Variants in RTF2 observed in about 807,000 individuals in gnomAD.
The protein encoded by RTF2 is UPF0549 protein C20orf43.
In RTF2, 18 loss-of-function variants were observed where a neutral mutation model predicts 38.0. The ratio of observed to expected loss-of-function variants is 0.47; its 90% CI spans 0.33 to 0.70. The LOEUF is 0.70. Among genes scored for constraint, RTF2 ranks in the 30% least tolerant of loss-of-function variants. The pLI is 0.02. For missense variants in RTF2, 311 were observed against 379.6 expected (o/e 0.82, Z 1.50); for synonymous variants, 126 against 137.1 (o/e 0.92, Z 0.57).
chr20:56,513,717 A>G (rs1460932240), intron 6 of RTF2: 3 of 315,552 alleles, frequency 9.5e-6, no homozygotes, highest in South Asian at 3.8e-5. Flanking sequence ...GACCATGGCC[A>G]TAAAGCACTG....
At chr20:56,487,446 G>A (rs1313449919) in intron 5 of RTF2, among the ~76,000 whole-genome samples, 1 of 152,204 alleles carries the variant, frequency 6.6e-6, no homozygotes, top group African/African-American at 2.4e-5. Flanking sequence ...GCGAGCGTAG[G>A]CTCCTCCCGG....
chr20:56,479,886 T>C (rs1373681911), intron 4 of RTF2, among the ~76,000 whole-genome samples: 3 of 151,478 alleles, frequency 2.0e-5, no homozygotes, highest in Non-Finnish European at 2.9e-5. Context: ...AGCCATGTTA[T>C]AGACAGATGT....
Position 56,468,643 on chromosome 20 carries a change from A to T in RTF2, c.-55A>T, listed in dbSNP as rs186613168. The T allele has an allele frequency of 7.7e-4, 1,153 of 1,502,866 alleles. 11 individuals carry two copies. In the Admixed American group the frequency reaches 0.017, roughly 22 times the overall value. The allele number at this position is 1,502,866 out of a possible 1,614,324, so 93.1% of individuals were successfully genotyped here. ...GAAGTGGCTGCGGATTTCGCCGGAA[A>T]TCCCGGAAGTGACAGCTTTGGGGGT... On this transcript the variant is annotated 5_prime_UTR_variant, in exon 1 of 9. Transcript: ENST00000357348.
chr20:56,508,474 T>A (rs1009769604), intron 5 of RTF2, among the ~76,000 whole-genome samples: 2 of 152,216 alleles, frequency 1.3e-5, no homozygotes, highest in South Asian at 2.1e-4. Context: ...TCAAAGGCAG[T>A]GTCTTATGGA....
intron 1 of RTF2, chr20:56,470,472 G>A (rs771491785): frequency 6.3e-4 from 263 of 414,780 alleles, no homozygotes; most frequent in Non-Finnish European, 1.0e-3. Flanking sequence ...AGTGAACAAG[G>A]CAGAGTCTAG....
chr20:56,484,225 G>T, intron 5 of RTF2, 36 bp downstream of exon 5: 21 of 1,511,206 alleles, frequency 1.4e-5, no homozygotes, highest in Non-Finnish European at 1.8e-5. Flanking sequence ...TTCCTTCTCT[G>T]TAGCTGAGGA....
intron 5 of RTF2, among the ~76,000 whole-genome samples, chr20:56,502,345 C>T (rs764142141): frequency 6.6e-6 from 1 of 152,194 alleles, no homozygotes. Context: ...CTAATTAGAG[C>T]CAGTGCCTGT....
At chr20:56,499,295 C>T (rs1188521348) in intron 5 of RTF2, among the ~76,000 whole-genome samples, 1 of 149,174 alleles carries the variant, frequency 6.7e-6, no homozygotes, top group Admixed American at 6.8e-5. Flanking sequence ...CTCCCGGGTT[C>T]AAGCGATTCT....
chr20:56,473,471 A>G lies in RTF2; in HGVS notation c.164+76A>G, dbSNP rs938734174. The G allele has an allele frequency of 2.9e-5, 32 of 1,089,206 alleles. No homozygotes were observed. The African/African-American group carries it at 5.0e-4, about 17-fold the overall frequency. 67.5% of individuals were successfully genotyped at this position (1,089,206 alleles called of 1,614,324 possible). A position where few individuals can be genotyped will look rare whatever the true frequency, so the allele number is the denominator to read the frequency against. On this transcript the variant is annotated intron_variant, in intron 2 of 8. Transcript: ENST00000357348. ...TTTTGATGTGTAAATGCAGTTTTCC[A>G]TTCATCAAGCGTGGATTATCCCAAG...
chr20:56,485,943 T>C (rs1475068875), intron 5 of RTF2, among the ~76,000 whole-genome samples: 1 of 152,206 alleles, frequency 6.6e-6, no homozygotes, highest in African/African-American at 2.4e-5. Flanking sequence ...AACTTTTTTT[T>C]GTCTACTGGT....
At chr20:56,508,663 A>G (rs766996831) in intron 5 of RTF2, among the ~76,000 whole-genome samples, 7 of 152,238 alleles carry the variant, frequency 4.6e-5, no homozygotes, top group African/African-American at 1.7e-4. Context: ...TGGTGCTGGC[A>G]TGAGAACGGG....
intron 5 of RTF2, among the ~76,000 whole-genome samples, chr20:56,500,646 G>T (rs897748612): frequency 1.3e-5 from 2 of 152,182 alleles, no homozygotes; most frequent in Non-Finnish European, 2.9e-5. Context: ...GGTTCCATCA[G>T]CACCAGCTTT....
intron 3 of RTF2, among the ~76,000 whole-genome samples, chr20:56,475,830 T>G (rs960916767): frequency 2.6e-5 from 4 of 152,182 alleles, no homozygotes; most frequent in African/African-American, 9.7e-5. Context: ...GGTTGAATAT[T>G]TAATGGAAAA....
In RTF2 at chr20:56,470,047, C is replaced by G. The variant is rs193231582; in HGVS notation, c.69+1281C>G. Among the ~76,000 whole-genome samples the G allele has an allele frequency of 2.0e-3, 308 of 152,286 alleles. 1 individual carries two copies. The highest frequency in any genetic ancestry group is 4.0e-3 in the Admixed American group (61 of 15,302). On this transcript the variant is annotated intron_variant, in intron 1 of 8. Transcript: ENST00000357348. ...GTCTCTTTCCCACGTAGACAGGAAC[C>G]TTGTGTGTCTTACCTCTGTAACCCC... is the stretch of plus-strand genomic sequence containing the variant.
At chr20:56,491,570 C>A in intron 5 of RTF2, 1 of 1,546,828 alleles carries the variant, frequency 6.5e-7, no homozygotes, top group South Asian at 1.2e-5. Flanking sequence ...GCGGTTCAGT[C>A]TCATATTGAA....
intron 5 of RTF2, chr20:56,491,475 C>T (rs56066546): frequency 0.018 from 15,157 of 863,870 alleles, 191 homozygotes; most frequent in Non-Finnish European, 0.022. Flanking sequence ...ATCAAGGAAT[C>T]ATTTTCCCAC....
rs190510621 is a variant in RTF2 at position 56,506,980 on chromosome 20, G to A, written c.478-6335G>A. On this transcript the variant is annotated intron_variant, in intron 5 of 8. Coordinates refer to ENST00000357348, the MANE Select transcript of RTF2 (RefSeq NM_016407.5). ...CTTCCAAAGTACTGGGATTACAGGC[G>A]TGAGCCACCGCGCCTGGCCGTATTA... Among the ~76,000 whole-genome samples the A allele has an allele frequency of 1.2e-4, 19 of 152,292 alleles. No individual in the cohort carries two copies. The South Asian group carries it at 1.5e-3, about 12-fold the overall frequency.
intron 5 of RTF2, among the ~76,000 whole-genome samples, chr20:56,495,608 C>G (rs7265697): frequency 0.37 from 55,516 of 152,030 alleles, 10,926 homozygotes; most frequent in Non-Finnish European, 0.45. Context: ...TTGCTGTATG[C>G]AGAGTACTCT....
At chr20:56,481,314 C>T (rs1982514994) in intron 4 of RTF2, among the ~76,000 whole-genome samples, 1 of 152,178 alleles carries the variant, frequency 6.6e-6, no homozygotes, top group Non-Finnish European at 1.5e-5. Flanking sequence ...TACATGGACA[C>T]CCTCTCAGTG....
Sources: gnomAD v4.1 joint callset for allele counts (sites outside exome capture counted in the v4.1 genomes callset) on GRCh38, gnomAD v4.1.1 for gene constraint, MANE v1.5 for transcripts, NCBI Gene and HGNC (gene_info 2026-07-23, HGNC 2026-07-21) for gene names.